Variants in NCOA7 observed in about 807,000 individuals in gnomAD.
NCOA7 encodes the protein nuclear receptor coactivator 7.
Under a neutral mutation model 104.3 loss-of-function variants are expected in NCOA7, and 45 were observed. That is an observed-to-expected ratio of 0.43 (90% CI 0.34 to 0.55). The LOEUF is 0.55. NCOA7 is among the 20% of genes least tolerant of loss of function. The pLI, the probability that NCOA7 is intolerant of heterozygous loss-of-function variation, is 0.02. For synonymous variants in NCOA7, 398 were observed against 402.3 expected (o/e 0.99, Z 0.13); for missense variants, 1,041 against 1,119.7 (o/e 0.93, Z 1.00).
intron 4 of NCOA7, 95 bp from the exon 5 acceptor site, chr6:125,878,164 AGTTT>A (rs1236103629): frequency 3.3e-6 from 2 of 598,046 alleles, no homozygotes; most frequent in Admixed American, 7.2e-5. Flanking sequence ...TGGAACTATT[AGTTT>A]GTTATTTATT....
chr6:125,881,190 A>G lies in NCOA7; in HGVS notation c.560A>G (p.Tyr187Cys), dbSNP rs1426846481. ...TVSPSSSDAE[Y>C]DKLPDADLAR... is the part of the protein sequence containing the mutation. ...TCTCCTTCATCATCAGATGCAGAAT[A>G]TGATAAATTGCCTGTATGTATATTA... The change falls in exon 6 of 16, where the codon TAT (tyrosine) becomes TGT (cysteine). Residue 187 changes from tyrosine to cysteine, a missense_variant. By Grantham distance (194) the Tyr-to-Cys change is radical. Coordinates refer to ENST00000392477, the MANE Select transcript of NCOA7 (RefSeq NM_181782.5). 1 of 1,610,036 alleles carries G rather than the reference A, an allele frequency of 6.2e-7. No homozygotes were observed. The highest frequency in any genetic ancestry group is 2.2e-5 in the East Asian group (1 of 44,828).
chr6:125,854,479 C>T (rs1294786393), intron 2 of NCOA7, among the ~76,000 whole-genome samples: 1 of 152,134 alleles, frequency 6.6e-6, no homozygotes, highest in African/African-American at 2.4e-5. Context: ...GGAAATGCAG[C>T]TCTTTCTTCA....
intron 2 of NCOA7, among the ~76,000 whole-genome samples, chr6:125,821,430 T>G (rs644096): frequency 0.7 from 106,250 of 151,856 alleles, 37,517 homozygotes; most frequent in East Asian, 0.91. Flanking sequence ...CCCCTTTAGT[T>G]GCAAAACGGG....
intron 2 of NCOA7, among the ~76,000 whole-genome samples, chr6:125,840,414 A>G (rs1780017124): frequency 6.6e-6 from 1 of 152,112 alleles, no homozygotes; most frequent in Non-Finnish European, 1.5e-5. Context: ...GTGTTTAGAA[A>G]GTCTGCAGTA....
chr6:125,903,363 A>G (rs1336929136), intron 10 of NCOA7, among the ~76,000 whole-genome samples: 2 of 152,126 alleles, frequency 1.3e-5, no homozygotes, highest in Non-Finnish European at 2.9e-5. Flanking sequence ...TTGCAGCCAT[A>G]GCAACAAGGC....
In NCOA7 at chr6:125,882,277, A is replaced by G. The variant is rs149084523; in HGVS notation, c.574-149A>G. The G allele has an allele frequency of 9.9e-4, 767 of 775,358 alleles. 9 individuals are homozygous for G. In the African/African-American group the frequency reaches 0.013, roughly 13 times the overall value. The allele number at this position is 775,358 out of a possible 1,614,324, so 48.0% of individuals were successfully genotyped here. The stretch of plus-strand genomic sequence containing the variant: ...GGGTATCTGTTATTACATTTGTGAT[A>G]TTTTTGAAGGACAGAGGATATTTGC... On this transcript the variant is annotated intron_variant, in intron 6 of 15. Transcript: ENST00000392477.
intron 11 of NCOA7, chr6:125,919,441 A>G (rs568990693): frequency 6.2e-7 from 1 of 1,612,484 alleles, no homozygotes; most frequent in South Asian, 1.1e-5. Context: ...GGTATGTTGG[A>G]GTGCGTCCCG....
At chr6:125,840,675 G>T (rs1330810597) in intron 2 of NCOA7, among the ~76,000 whole-genome samples, 1 of 150,114 alleles carries the variant, frequency 6.7e-6, no homozygotes, top group Non-Finnish European at 1.5e-5. Flanking sequence ...CACCATGCCT[G>T]GCTAAATAAA....
chr6:125,829,324 G>C (rs1002344624), intron 2 of NCOA7, among the ~76,000 whole-genome samples: 3 of 152,054 alleles, frequency 2.0e-5, no homozygotes, highest in Admixed American at 2.0e-4. Context: ...AGAGCACCTT[G>C]GTGGTATTAA....
intron 13 of NCOA7, among the ~76,000 whole-genome samples, chr6:125,926,205 G>A (rs1788011649): frequency 6.6e-6 from 1 of 151,924 alleles, no homozygotes; most frequent in Non-Finnish European, 1.5e-5. Context: ...CAGCTACTCG[G>A]GAGGCTGAGG....
At chr6:125,859,394 G>A (rs548092218) in intron 3 of NCOA7, among the ~76,000 whole-genome samples, 2 of 152,268 alleles carry the variant, frequency 1.3e-5, no homozygotes, top group African/African-American at 4.8e-5. Context: ...CTACTTACAG[G>A]TATCAGAAGA....
chr6:125,863,494 A>G (rs919437685), intron 3 of NCOA7, among the ~76,000 whole-genome samples: 1 of 138,242 alleles, frequency 7.2e-6, no homozygotes, highest in Non-Finnish European at 1.5e-5. Flanking sequence ...TCTCATTGTA[A>G]GAGAAATGCC....
At chr6:125,790,799 G>C (rs943985834), upstream of NCOA7, 10 of 152,262 alleles carry the variant, frequency 6.6e-5, no homozygotes, top group Admixed American at 6.5e-4. Context: ...GGGCTGGCGA[G>C]GCGTCGCGCG....
intron 11 of NCOA7, among the ~76,000 whole-genome samples, chr6:125,916,108 G>A (rs1205773620): frequency 6.6e-6 from 1 of 152,138 alleles, no homozygotes; most frequent in African/African-American, 2.4e-5. Context: ...GGAGGTGATT[G>A]GATCATGGGG....
chr6:125,883,070 TTGA>T (rs1783975404), intron 7 of NCOA7, among the ~76,000 whole-genome samples: 1 of 152,258 alleles, frequency 6.6e-6, no homozygotes. Context: ...GTGTTTGCTG[TTGA>T]TGATATTGGT....
intron 2 of NCOA7, among the ~76,000 whole-genome samples, chr6:125,825,067 G>A (rs933072356): frequency 1.3e-5 from 2 of 151,886 alleles, no homozygotes; most frequent in African/African-American, 4.8e-5. Context: ...GCCAGACACA[G>A]TGGCTCACAC....
upstream of NCOA7, among the ~76,000 whole-genome samples, chr6:125,790,007 C>G (rs1181749697): frequency 6.6e-6 from 1 of 152,238 alleles, no homozygotes; most frequent in African/African-American, 2.4e-5. Context: ...AGCTCACAGG[C>G]ACAGGCCCCG....
In NCOA7 at chr6:125,855,086, T is replaced by C. The variant is rs745402203; in HGVS notation, c.117T>C (p.His39=). Residue 39 remains histidine, a synonymous_variant, in exon 3 of 16, where the codon CAT becomes CAC. Coordinates refer to ENST00000392477, the MANE Select transcript of NCOA7 (RefSeq NM_181782.5). ...CCTCAGCTGTAGCTACAAGGACTCATACTGGGAAGGAAGATAATAATACAG... is the reference window on the plus strand; with the variant it reads ...CCTCAGCTGTAGCTACAAGGACTCACACTGGGAAGGAAGATAATAATACAG... ...ETASAVATRT[H]TGKEDNNTVV... 7 of 1,613,128 alleles carry C rather than the reference T, an allele frequency of 4.3e-6. No individual in the cohort carries two copies. Among genetic ancestry groups the C allele is most frequent in the African/African-American group, 1.3e-5 (1 of 74,806 alleles).
At chr6:125,905,517 C>T (rs1332974717) in intron 10 of NCOA7, among the ~76,000 whole-genome samples, 1 of 152,114 alleles carries the variant, frequency 6.6e-6, no homozygotes, top group African/African-American at 2.4e-5. Flanking sequence ...CTGCTTCGGC[C>T]TCCCGAAGTG....
Sources: gnomAD v4.1 joint callset for allele counts (sites outside exome capture counted in the v4.1 genomes callset) on GRCh38, gnomAD v4.1.1 for gene constraint, MANE v1.5 for transcripts, NCBI Gene and HGNC (gene_info 2026-07-23, HGNC 2026-07-21) for gene names.